The following NSUN6 variants were observed in gnomAD, a reference collection of about 807,000 sequenced individuals.
NSUN6 encodes tRNA (cytosine(72)-C(5))-methyltransferase NSUN6.
Under a neutral mutation model 58.0 loss-of-function variants are expected in NSUN6, and 64 were observed. That is an observed-to-expected ratio of 1.10 (90% CI 0.90 to 1.36). NSUN6 has a LOEUF of 1.36. Ranked by LOEUF, NSUN6 falls within the 40% of genes most tolerant of loss-of-function variation. The pLI, the probability that NSUN6 is intolerant of heterozygous loss-of-function variation, is 0.00. For synonymous variants in NSUN6, 231 were observed against 193.9 expected, an observed-to-expected ratio of 1.19 and a Z score of -1.59; for missense variants, 701 against 550.1, an observed-to-expected ratio of 1.27 and a Z score of -2.74.
At chr10:18,597,751 A>T (rs7093454) in intron 6 of NSUN6, among the ~76,000 whole-genome samples, 32,672 of 152,084 alleles carry the variant, frequency 0.21, 3,870 homozygotes, top group South Asian at 0.35. Context: ...GGGCAATAAG[A>T]GCGAAACTCC....
At position 18,561,859 on chromosome 10, in the gene NSUN6, A is replaced by G. The variant is rs865905784; in HGVS notation, c.923-9888T>C. On this transcript the variant is annotated intron_variant, in intron 8 of 10. Transcript: ENST00000377304. Reference sequence around the variant, plus strand: ...AATGTAATAGAATGAAACGTAATGCAGGCTGGAATGGAGAATGGAATGGAA... The same window carrying G: ...AATGTAATAGAATGAAACGTAATGCGGGCTGGAATGGAGAATGGAATGGAA... 3.6e-4 allele frequency among the ~76,000 whole-genome samples: 55 copies of G among 150,844 alleles called. 3 individuals are homozygous for G. The highest frequency in any genetic ancestry group is 1.3e-3 in the African/African-American group (54 of 40,926).
chr10:18,607,245 C>T lies in NSUN6; in HGVS notation c.657+2600G>A, dbSNP rs550465760. On this transcript the variant is annotated intron_variant, in intron 6 of 10. Transcript: ENST00000377304. ...GCAACTTCTTGAAACATTTCAAATG[C>T]GTTTTATATTACTATTATATGTAAA... Among the ~76,000 whole-genome samples, 8 of 152,190 alleles carry T rather than the reference C, an allele frequency of 5.3e-5. No homozygotes were observed. The South Asian group carries it at 8.3e-4, about 16-fold the overall frequency.
intron 6 of NSUN6, among the ~76,000 whole-genome samples, chr10:18,606,811 A>T (rs1172003605): frequency 6.6e-6 from 1 of 152,228 alleles, no homozygotes; most frequent in Non-Finnish European, 1.5e-5. Flanking sequence ...CCATATTACA[A>T]GTTTTTCAAG....
At position 18,596,253 on chromosome 10, in the gene NSUN6, T is replaced by C; in HGVS notation, c.732A>G (p.Ala244=). The C allele has an allele frequency of 1.6e-5, 25 of 1,610,358 alleles. No homozygotes were observed. The highest frequency in any genetic ancestry group is 2.0e-5 in the Non-Finnish European group (24 of 1,176,574). Residue 244 remains alanine, a synonymous_variant, in exon 7 of 11, where the codon GCA becomes GCG. Coordinates refer to ENST00000377304, the MANE Select transcript of NSUN6 (RefSeq NM_182543.5). ...PGEKILDLCA[A]PGGKTTHIAA... ...CAATGTGTGTTGTTTTCCCTCCAGG[T>C]GCTGCACACAAGTCTAGAATCTTCT... is the stretch of plus-strand genomic sequence containing the variant.
At chr10:18,651,053 C>G in intron 1 of NSUN6, 76 bp downstream of exon 1, 1 of 1,545,556 alleles carries the variant, frequency 6.5e-7, no homozygotes. Context: ...TCCCTTTATA[C>G]TTATTTCTAT....
chr10:18,581,601 C>T (rs1420951051), intron 8 of NSUN6, among the ~76,000 whole-genome samples: 3 of 152,078 alleles, frequency 2.0e-5, no homozygotes, highest in Non-Finnish European at 4.4e-5. Context: ...CCGAGGTGGG[C>T]GGATCACAAG....
chr10:18,578,289 C>T (rs562857824), intron 8 of NSUN6, among the ~76,000 whole-genome samples: 4 of 145,288 alleles, frequency 2.8e-5, no homozygotes, highest in Non-Finnish European at 4.5e-5. Flanking sequence ...GCTGGAGTGC[C>T]GTGGCACCAT....
intron 3 of NSUN6, among the ~76,000 whole-genome samples, chr10:18,627,741 C>T (rs183137700): frequency 3.4e-4 from 52 of 152,036 alleles, no homozygotes; most frequent in African/African-American, 1.2e-3. Flanking sequence ...CTATATCCCG[C>T]GGCTCGGAGG....
chr10:18,614,937 C>G (rs747566703), intron 4 of NSUN6, among the ~76,000 whole-genome samples: 53 of 152,200 alleles, frequency 3.5e-4, no homozygotes, highest in Middle Eastern at 3.4e-3. Context: ...ATCTTGACAT[C>G]TCAGCTCAAA....
At chr10:18,553,638 AGAATG>A (rs567296230) in intron 8 of NSUN6, among the ~76,000 whole-genome samples, 1 of 151,664 alleles carries the variant, frequency 6.6e-6, no homozygotes, top group Admixed American at 6.6e-5. Flanking sequence ...AATGGAAGGA[AGAATG>A]GAATGGAATG....
rs184564562 is a variant in NSUN6 at position 18,585,234 on chromosome 10, C to A, written c.922+715G>T. On this transcript the variant is annotated intron_variant, in intron 8 of 10. Transcript: ENST00000377304. ...TTGTTGGTAGGAATGTAAATTAGTACAGCCATTATGTAAAATGGTATGGAG... is the reference window on the plus strand; with the variant it reads ...TTGTTGGTAGGAATGTAAATTAGTAAAGCCATTATGTAAAATGGTATGGAG... 3.9e-5 allele frequency among the ~76,000 whole-genome samples: 6 copies of A among 152,244 alleles called. No homozygotes were observed. The East Asian group carries it at 9.6e-4, about 24-fold the overall frequency.
chr10:18,559,370 A>G (rs2055304397), intron 8 of NSUN6, among the ~76,000 whole-genome samples: 1 of 150,496 alleles, frequency 6.6e-6, no homozygotes, highest in Admixed American at 6.7e-5. Context: ...TAGAGAATGG[A>G]ATGGAAGGGA....
intron 3 of NSUN6, among the ~76,000 whole-genome samples, chr10:18,630,204 A>T (rs1590135977): frequency 6.7e-6 from 1 of 148,238 alleles, no homozygotes; most frequent in African/African-American, 2.5e-5. Context: ...CTTTGAAACC[A>T]ACGAGAACAA....
chr10:18,596,083 T>C, intron 7 of NSUN6, 125 bp downstream of exon 7: 1 of 732,908 alleles, frequency 1.4e-6, no homozygotes, highest in Non-Finnish European at 2.3e-6. Flanking sequence ...CTGACATAAC[T>C]GAATAGTTTT....
intron 6 of NSUN6, among the ~76,000 whole-genome samples, chr10:18,606,249 G>A (rs1370949319): frequency 6.6e-6 from 1 of 152,010 alleles, no homozygotes; most frequent in African/African-American, 2.4e-5. Flanking sequence ...GGGTTATCAT[G>A]TACCCCCTGA....
At chr10:18,649,143 T>TCC (rs1434902957) in intron 1 of NSUN6, among the ~76,000 whole-genome samples, 1 of 152,096 alleles carries the variant, frequency 6.6e-6, no homozygotes, top group African/African-American at 2.4e-5. Flanking sequence ...ATATAAAGAT[T>TCC]CCCCTAGGAC....
intron 3 of NSUN6, among the ~76,000 whole-genome samples, chr10:18,628,411 C>T (rs931342720): frequency 6.6e-6 from 1 of 152,218 alleles, no homozygotes; most frequent in African/African-American, 2.4e-5. Flanking sequence ...TGGAGAATGA[C>T]TTTGAGGAGC....
At chr10:18,602,382 T>A (rs571715277) in intron 6 of NSUN6, among the ~76,000 whole-genome samples, 14 of 152,182 alleles carry the variant, frequency 9.2e-5, no homozygotes, top group African/African-American at 3.4e-4. Context: ...TAGCTGGGAA[T>A]ACAGGTGCCC....
At chr10:18,621,109 A>C (rs2058590152) in intron 3 of NSUN6, among the ~76,000 whole-genome samples, 1 of 152,238 alleles carries the variant, frequency 6.6e-6, no homozygotes, top group South Asian at 2.1e-4. Context: ...ATTATTGAAC[A>C]AACTATGATT....
Sources: allele counts gnomAD v4.1 joint callset (sites outside exome capture counted in the v4.1 genomes callset), GRCh38; gene constraint gnomAD v4.1.1; transcripts MANE v1.5; gene names NCBI Gene and HGNC (gene_info 2026-07-23, HGNC 2026-07-21).